Variants in KIAA1217 observed in about 807,000 individuals in gnomAD.
The protein encoded by KIAA1217 is KIAA1217, also known as sickle tail protein homolog.
Under a neutral mutation model 163.9 loss-of-function variants are expected in KIAA1217, and 88 were observed. The ratio of observed to expected loss-of-function variants is 0.54; its 90% CI spans 0.45 to 0.64. The LOEUF (loss-of-function observed/expected upper bound fraction) is 0.64. Among genes scored for constraint, KIAA1217 ranks in the 30% least tolerant of loss-of-function variants. The pLI, the probability that KIAA1217 is intolerant of heterozygous loss-of-function variation, is 0.00. For missense variants in KIAA1217, 2,372 were observed against 2,475.0 expected (o/e 0.96, Z 0.88); for synonymous variants, 903 against 923.1 (o/e 0.98, Z 0.39).
intron 5 of KIAA1217, among the ~76,000 whole-genome samples, chr10:24,440,922 CT>C (rs1319118514): frequency 6.6e-6 from 1 of 152,230 alleles, no homozygotes; most frequent in African/African-American, 2.4e-5. Flanking sequence ...TGGAATTCAG[CT>C]GCCCTCACCT....
At chr10:24,029,245 T>C (rs1848093176) in intron 2 of KIAA1217, among the ~76,000 whole-genome samples, 1 of 152,132 alleles carries the variant, frequency 6.6e-6, no homozygotes, top group African/African-American at 2.4e-5. Context: ...ATTAAAACTG[T>C]CTGAAAGGAG....
intron 1 of KIAA1217, among the ~76,000 whole-genome samples, chr10:23,891,352 G>A (rs1841407910): frequency 6.6e-6 from 1 of 151,808 alleles, no homozygotes; most frequent in African/African-American, 2.4e-5. Flanking sequence ...TCACCTGGTT[G>A]CCCAGGCTGG....
At chr10:23,824,645 AAAAAATAAAAAAAATAT>A (rs1442126670) in intron 1 of KIAA1217, among the ~76,000 whole-genome samples, 11 of 95,862 alleles carry the variant, frequency 1.1e-4, no homozygotes, top group African/African-American at 5.7e-4. Context: ...AAAAAAAAAA[AAAAAATAAAAAAAATAT>A]ATATATATAT....
chr10:24,127,636 C>A (rs538926438), intron 2 of KIAA1217, among the ~76,000 whole-genome samples: 77 of 152,112 alleles, frequency 5.1e-4, no homozygotes, highest in Non-Finnish European at 9.6e-4. Flanking sequence ...CACCATAGGA[C>A]CCCAGCAGCT....
rs574411780 is a variant in KIAA1217, at chr10:24,407,702, A to C, written c.554-25293A>C. Among the ~76,000 whole-genome samples, 22 of 152,228 alleles carry C rather than the reference A, an allele frequency of 1.4e-4. No homozygotes were observed. The East Asian group carries it at 4.1e-3, about 28-fold the overall frequency. On this transcript the variant is annotated intron_variant, in intron 3 of 20. Transcript: ENST00000376454. ...GCAGACATGGCCATAATATTCTAAA[A>C]TGTTCATGTCCCATTCCATTTTAGA...
intron 1 of KIAA1217, among the ~76,000 whole-genome samples, chr10:23,729,683 A>C (rs1838365014): frequency 6.6e-6 from 1 of 152,146 alleles, no homozygotes; most frequent in Non-Finnish European, 1.5e-5. Context: ...TATTTTGGAT[A>C]AGCTGCCTTA....
At chr10:24,236,042 A>G (rs2072208894) in intron 2 of KIAA1217, among the ~76,000 whole-genome samples, 1 of 152,160 alleles carries the variant, frequency 6.6e-6, no homozygotes, top group African/African-American at 2.4e-5. Flanking sequence ...AACTTACTGT[A>G]ATTACCTAAC....
chr10:24,228,607 G>A (rs2131031225), intron 2 of KIAA1217, among the ~76,000 whole-genome samples: 1 of 152,248 alleles, frequency 6.6e-6, no homozygotes, highest in East Asian at 1.9e-4. Flanking sequence ...GAGAGAGACA[G>A]AGCTGATGGG....
intron 2 of KIAA1217, among the ~76,000 whole-genome samples, chr10:24,140,609 A>G (rs1162356293): frequency 6.6e-6 from 1 of 152,218 alleles, no homozygotes; most frequent in African/African-American, 2.4e-5. Flanking sequence ...GCAGGACTGT[A>G]TGAGATTTCA....
At chr10:24,257,396 T>C (rs2075278546) in intron 2 of KIAA1217, among the ~76,000 whole-genome samples, 1 of 152,156 alleles carries the variant, frequency 6.6e-6, no homozygotes. Flanking sequence ...CCACACGTGT[T>C]CACCAGACAT....
intron 2 of KIAA1217, among the ~76,000 whole-genome samples, chr10:24,278,854 CTT>C (rs11288814): frequency 5.0e-5 from 7 of 140,838 alleles, no homozygotes; most frequent in Middle Eastern, 3.6e-3. Context: ...ACTCAGATTA[CTT>C]TTTTTTTTTT....
chr10:23,775,892 T>C (rs1231493547), intron 1 of KIAA1217, among the ~76,000 whole-genome samples: 1 of 152,218 alleles, frequency 6.6e-6, no homozygotes, highest in African/African-American at 2.4e-5. Context: ...TTATACATTC[T>C]TAATTTAAGC....
chr10:24,419,289 G>A (rs535670966), intron 3 of KIAA1217, among the ~76,000 whole-genome samples: 2 of 152,122 alleles, frequency 1.3e-5, no homozygotes, highest in East Asian at 3.9e-4. Context: ...GGCCTCCTGA[G>A]TCAGATCTGA....
At chr10:23,835,021 G>A (rs571450738) in intron 1 of KIAA1217, among the ~76,000 whole-genome samples, 4 of 152,258 alleles carry the variant, frequency 2.6e-5, no homozygotes, top group Admixed American at 2.6e-4. Context: ...TGGGAAAGAC[G>A]TCTAGGCTGG....
At chr10:23,950,982 T>C (rs1203640399) in intron 1 of KIAA1217, among the ~76,000 whole-genome samples, 1 of 152,204 alleles carries the variant, frequency 6.6e-6, no homozygotes, top group Non-Finnish European at 1.5e-5. Context: ...GTCACTCCAC[T>C]GGTGCTGGGG....
At chr10:24,208,589 C>G (rs929014045), upstream of KIAA1217, among the ~76,000 whole-genome samples, 1 of 133,972 alleles carries the variant, frequency 7.5e-6, no homozygotes, top group Non-Finnish European at 1.6e-5. Context: ...AGCATATACT[C>G]TTTCTTTCAA....
intron 1 of KIAA1217, among the ~76,000 whole-genome samples, chr10:23,947,522 C>T (rs1212817705): frequency 6.6e-6 from 1 of 152,222 alleles, no homozygotes; most frequent in African/African-American, 2.4e-5. Context: ...TTACTCAAAG[C>T]AGCAAAAGTA....
chr10:23,897,638 G>A (rs1036542962), intron 1 of KIAA1217, among the ~76,000 whole-genome samples: 5 of 151,972 alleles, frequency 3.3e-5, no homozygotes, highest in Non-Finnish European at 5.9e-5. Flanking sequence ...GGAGCTACAC[G>A]GAACCGAGGA....
intron 1 of KIAA1217, among the ~76,000 whole-genome samples, chr10:23,974,055 T>G (rs1845434750): frequency 6.6e-6 from 1 of 152,214 alleles, no homozygotes; most frequent in African/African-American, 2.4e-5. Context: ...AAGATGCATT[T>G]GTATTGATTA....
Sources: allele counts gnomAD v4.1 joint callset (sites outside exome capture counted in the v4.1 genomes callset), GRCh38; gene constraint gnomAD v4.1.1; transcripts MANE v1.5; gene names NCBI Gene and HGNC (gene_info 2026-07-23, HGNC 2026-07-21).